CNTNAP5: variants seen among roughly 807,000 people sequenced by gnomAD.
CNTNAP5 encodes the protein contactin-associated protein-like 5.
A neutral mutation model predicts 150.2 loss-of-function variants in CNTNAP5; 72 were observed. The ratio of observed to expected loss-of-function variants is 0.48; its 90% CI spans 0.40 to 0.58. The LOEUF (loss-of-function observed/expected upper bound fraction) is 0.58. Ranked by LOEUF, CNTNAP5 falls within the 20% of genes least tolerant of loss-of-function variation. CNTNAP5 has a pLI of 0.00. For missense variants in CNTNAP5, 1,636 were observed against 1,626.2 expected (o/e 1.01, Z -0.10); for synonymous variants, 672 against 619.8 (o/e 1.08, Z -1.25).
chr2:124,171,808 T>C (rs1684940089), intron 1 of CNTNAP5, among the ~76,000 whole-genome samples: 1 of 152,182 alleles, frequency 6.6e-6, no homozygotes, highest in Non-Finnish European at 1.5e-5. Context: ...GGTTATGTTT[T>C]AGGTTCTTTA....
intron 1 of CNTNAP5, among the ~76,000 whole-genome samples, chr2:124,160,524 CTTT>C (rs56208953): frequency 6.8e-6 from 1 of 147,272 alleles, no homozygotes. Flanking sequence ...CTGTCTTTGC[CTTT>C]TTTTTTTTTA....
intron 1 of CNTNAP5, among the ~76,000 whole-genome samples, chr2:124,180,284 G>T (rs185568720): frequency 6.6e-6 from 1 of 152,250 alleles, no homozygotes; most frequent in African/African-American, 2.4e-5. Flanking sequence ...TGATTCTCGA[G>T]AATCTATTTC....
intron 3 of CNTNAP5, among the ~76,000 whole-genome samples, chr2:124,281,040 G>A (rs1339529171): frequency 6.6e-6 from 1 of 152,142 alleles, no homozygotes; most frequent in East Asian, 1.9e-4. Flanking sequence ...TCCTAATGAT[G>A]TAAATAAAAT....
chr2:124,826,905 C>T (rs936276500), intron 19 of CNTNAP5, among the ~76,000 whole-genome samples: 6 of 152,064 alleles, frequency 3.9e-5, no homozygotes, highest in East Asian at 1.9e-4. Flanking sequence ...TAAGTATCTA[C>T]GAAAATTTTT....
intron 7 of CNTNAP5, among the ~76,000 whole-genome samples, chr2:124,498,918 G>T (rs535306390): frequency 2.3e-4 from 35 of 152,208 alleles, no homozygotes; most frequent in South Asian, 8.3e-4. Context: ...AAACAAGTGG[G>T]AATATTAGGG....
chr2:124,112,930 A>G (rs1663958216), intron 1 of CNTNAP5, among the ~76,000 whole-genome samples: 1 of 152,176 alleles, frequency 6.6e-6, no homozygotes, highest in South Asian at 2.1e-4. Flanking sequence ...AGCAATCAGG[A>G]AAATCCACAC....
chr2:124,905,125 TG>T (rs1558820971), intron 22 of CNTNAP5, among the ~76,000 whole-genome samples: 4 of 117,726 alleles, frequency 3.4e-5, no homozygotes, highest in East Asian at 2.0e-4. Flanking sequence ...TGTTTTTTTT[TG>T]TTTTTTTTTT....
At chr2:124,112,035 G>A (rs564286818) in intron 1 of CNTNAP5, among the ~76,000 whole-genome samples, 1 of 152,312 alleles carries the variant, frequency 6.6e-6, no homozygotes, top group African/African-American at 2.4e-5. Context: ...ATCTTGTGCT[G>A]CTCAGAATAT....
At chr2:124,102,115 C>T (rs968225513) in intron 1 of CNTNAP5, among the ~76,000 whole-genome samples, 13 of 152,272 alleles carry the variant, frequency 8.5e-5, no homozygotes, top group African/African-American at 2.6e-4. Context: ...CAGATTCCCT[C>T]CACCACCCCC....
chr2:124,207,608 A>G (rs1041118984), intron 1 of CNTNAP5, among the ~76,000 whole-genome samples: 1 of 152,320 alleles, frequency 6.6e-6, no homozygotes, highest in African/African-American at 2.4e-5. Flanking sequence ...ATCTTTGCTC[A>G]CAGTTTTGAA....
chr2:124,692,466 GCA>G, intron 13 of CNTNAP5, among the ~76,000 whole-genome samples: 1 of 152,170 alleles, frequency 6.6e-6, no homozygotes, highest in African/African-American at 2.4e-5. Context: ...CTGTTTTAAG[GCA>G]CTAAGTTTGA....
At chr2:124,474,634 G>C in intron 6 of CNTNAP5, 105 bp from the exon 7 acceptor site, 2 of 877,504 alleles carry the variant, frequency 2.3e-6, no homozygotes, top group Non-Finnish European at 3.4e-6. Flanking sequence ...GAGCCATTTG[G>C]CTCAAGCATA....
At chr2:124,451,054 A>G (rs1222923082) in intron 6 of CNTNAP5, among the ~76,000 whole-genome samples, 1,652 of 43,736 alleles carry the variant, frequency 0.038, 73 homozygotes, top group African/African-American at 0.094. Flanking sequence ...AAAAAAAAAT[A>G]TATATATATA....
chr2:124,466,985 C>G (rs1389459121), intron 6 of CNTNAP5, among the ~76,000 whole-genome samples: 1 of 151,924 alleles, frequency 6.6e-6, no homozygotes, highest in Non-Finnish European at 1.5e-5. Flanking sequence ...AAAGGTACAC[C>G]AATTAAATGT....
intron 1 of CNTNAP5, among the ~76,000 whole-genome samples, chr2:124,050,608 T>C (rs1013409812): frequency 3.3e-5 from 5 of 152,174 alleles, no homozygotes; most frequent in Non-Finnish European, 7.3e-5. Flanking sequence ...CCCTCATGCC[T>C]GCCATCCTGT....
At chr2:124,105,252 A>G (rs1468167553) in intron 1 of CNTNAP5, among the ~76,000 whole-genome samples, 1 of 152,206 alleles carries the variant, frequency 6.6e-6, no homozygotes, top group Non-Finnish European at 1.5e-5. Flanking sequence ...CCACTAATAG[A>G]CATTTAGACT....
intron 1 of CNTNAP5, among the ~76,000 whole-genome samples, chr2:124,127,756 C>T (rs187389841): frequency 2.0e-5 from 3 of 152,272 alleles, no homozygotes; most frequent in Admixed American, 2.0e-4. Flanking sequence ...AATAATACCA[C>T]ACACCTACAA....
At chr2:124,738,282 G>A (rs1680428457) in intron 13 of CNTNAP5, among the ~76,000 whole-genome samples, 1 of 152,068 alleles carries the variant, frequency 6.6e-6, no homozygotes, top group African/African-American at 2.4e-5. Context: ...TGCTTTTGTC[G>A]TATCAGGGAA....
intron 13 of CNTNAP5, among the ~76,000 whole-genome samples, chr2:124,743,708 A>C (rs774998549): frequency 7.2e-5 from 11 of 152,188 alleles, no homozygotes; most frequent in Non-Finnish European, 1.3e-4. Context: ...TTGGCTTGGA[A>C]CAGGCAGAGT....
Sources: gnomAD v4.1 joint callset for allele counts (sites outside exome capture counted in the v4.1 genomes callset) on GRCh38, gnomAD v4.1.1 for gene constraint, MANE v1.5 for transcripts, NCBI Gene and HGNC (gene_info 2026-07-23, HGNC 2026-07-21) for gene names.